Variants in SMIM20 observed in about 807,000 individuals in gnomAD.
SMIM20 encodes the protein mitochondrial translation regulation assembly intermediate of cytochrome c oxidase protein of 7 kDa.
A neutral mutation model predicts 8.7 loss-of-function variants in SMIM20; 3 were observed. The observed-to-expected ratio is 0.34, with a 90% CI of 0.16 to 0.89. The LOEUF (loss-of-function observed/expected upper bound fraction) is 0.89. Ranked by LOEUF, SMIM20 falls within the 40% of genes least tolerant of loss-of-function variation. The pLI is 0.49. For synonymous variants in SMIM20, 44 were observed against 33.6 expected (o/e 1.31, Z -1.07); for missense variants, 85 against 84.8 (o/e 1.00, Z -0.01).
chr4:25,918,921 G>T (rs185119812), intron 1 of SMIM20, among the ~76,000 whole-genome samples: 1 of 112,708 alleles, frequency 8.9e-6, no homozygotes, highest in Non-Finnish European at 1.7e-5. Flanking sequence ...TTTTTGAGAC[G>T]GAGTCTCGCT....
At chr4:25,922,914 C>T (rs1018465986) in intron 1 of SMIM20, among the ~76,000 whole-genome samples, 5 of 152,230 alleles carry the variant, frequency 3.3e-5, no homozygotes, top group African/African-American at 1.2e-4. Flanking sequence ...TTAGGTAAAA[C>T]AAAGCCAAGG....
Position 25,914,434 on chromosome 4 carries a change from C to A in SMIM20, c.109+12C>A. Reference sequence around the variant, plus strand: ...ATTGGAGGAGTACAGTGAGTGATCTCTAACCCCTTGCGGTGACCTGACTCC... The same window carrying A: ...ATTGGAGGAGTACAGTGAGTGATCTATAACCCCTTGCGGTGACCTGACTCC... On this transcript the variant is annotated intron_variant, in intron 1 of 2. Coordinates refer to ENST00000506197, the MANE Select transcript of SMIM20 (RefSeq NM_001145432.3). 1 of 1,468,686 alleles carries A rather than the reference C, an allele frequency of 6.8e-7. No individual in the cohort carries two copies. Among genetic ancestry groups the A allele is most frequent in the Admixed American group, 2.5e-5 (1 of 40,698 alleles). The allele number at this position is 1,468,686 out of a possible 1,614,324, so 91.0% of individuals were successfully genotyped here. A position where few individuals can be genotyped will look rare whatever the true frequency, so the allele number is the denominator to read the frequency against.
chr4:25,916,543 C>T (rs958820709), intron 1 of SMIM20, among the ~76,000 whole-genome samples: 3 of 151,598 alleles, frequency 2.0e-5, no homozygotes, highest in African/African-American at 7.3e-5. Flanking sequence ...TTGGCCAACT[C>T]TTTTCTGGGG....
chr4:25,914,367 C>T lies in SMIM20; in HGVS notation c.54C>T (p.Ile18=). ...ALIFGGFISL[I]GAAFYPIYFR... ...TTTTCGGCGGCTTCATCTCCCTGAT[C>T]GGCGCCGCCTTCTATCCCATCTACT... Residue 18 remains isoleucine (I), a synonymous_variant, in exon 1 of 3, where the codon ATC becomes ATT. Coordinates refer to ENST00000506197, the MANE Select transcript of SMIM20 (RefSeq NM_001145432.3). 1 of 1,549,002 alleles carries T rather than the reference C, an allele frequency of 6.5e-7. No individual in the cohort carries two copies.
intron 2 of SMIM20, 65 bp downstream of exon 2, chr4:25,928,434 T>C: frequency 2.0e-6 from 3 of 1,489,850 alleles, no homozygotes; most frequent in South Asian, 1.3e-5. Context: ...CGGGTTTGTG[T>C]GTGTTTGCCT....
intron 1 of SMIM20, among the ~76,000 whole-genome samples, chr4:25,921,420 A>G (rs904088761): frequency 6.6e-6 from 1 of 152,222 alleles, no homozygotes; most frequent in Non-Finnish European, 1.5e-5. Context: ...CTGATTAGCC[A>G]CGGGGCAAAG....
chr4:25,925,049 C>T (rs1270620912), intron 1 of SMIM20, among the ~76,000 whole-genome samples: 1 of 151,972 alleles, frequency 6.6e-6, no homozygotes, highest in Non-Finnish European at 1.5e-5. Flanking sequence ...GGATCCCATC[C>T]CCAAGATATC....
At chr4:25,922,121 A>G (rs541168380) in intron 1 of SMIM20, among the ~76,000 whole-genome samples, 1 of 152,304 alleles carries the variant, frequency 6.6e-6, no homozygotes, top group African/African-American at 2.4e-5. Context: ...TATTAAGTTG[A>G]CTATTTATAG....
At chr4:25,928,391 A>C in intron 2 of SMIM20, 22 bp downstream of exon 2, 1 of 1,547,474 alleles carries the variant, frequency 6.5e-7, no homozygotes, top group Non-Finnish European at 8.7e-7. Flanking sequence ...AAAAAAAATC[A>C]AAACCAAATC....
At chr4:25,929,024 C>T in intron 2 of SMIM20, 130 bp from the exon 3 acceptor site, 1 of 1,123,862 alleles carries the variant, frequency 8.9e-7, no homozygotes, top group Non-Finnish European at 1.3e-6. Flanking sequence ...CGGCAGCCTG[C>T]TCACACCATC....
intron 1 of SMIM20, among the ~76,000 whole-genome samples, chr4:25,915,790 G>A (rs1719075946): frequency 6.9e-6 from 1 of 144,280 alleles, no homozygotes; most frequent in Non-Finnish European, 1.5e-5. Context: ...TCATCTAGGG[G>A]TGATTTTGCC....
In SMIM20 at chr4:25,928,367, C is replaced by G; in HGVS notation, c.164C>G (p.Pro55Arg). ...ATTGTTCAAGAGGATGTGCAGCCAC[C>G]AGGTAAACTGAAAAAAAAAAATCAA... ...AGIVQEDVQP[P>R]GLKVWSDPFG... The change falls in exon 2 of 3, where the codon CCA (proline) becomes CGA (arginine). Residue 55 changes from proline (P) to arginine (R), a missense_variant and splice_region_variant. Physicochemically the swap from Pro to Arg is moderately radical, Grantham distance 103. Transcript: ENST00000506197. 1 of 1,547,948 alleles carries G rather than the reference C, an allele frequency of 6.5e-7. No individual in the cohort carries two copies. The highest frequency in any genetic ancestry group is 8.7e-7 in the Non-Finnish European group (1 of 1,145,640).
In SMIM20 at chr4:25,929,281, G is replaced by A; in HGVS notation, c.*90G>A. The A allele has an allele frequency of 1.5e-6, 2 of 1,372,496 alleles. No homozygotes were observed. Among genetic ancestry groups the A allele is most frequent in the Non-Finnish European group, 2.0e-6 (2 of 991,432 alleles). The allele number at this position is 1,372,496 out of a possible 1,614,324, so 85.0% of individuals were successfully genotyped here. A position where few individuals can be genotyped will look rare whatever the true frequency, so the allele number is the denominator to read the frequency against. On this transcript the variant is annotated 3_prime_UTR_variant, in exon 3 of 3. Transcript: ENST00000506197. The stretch of plus-strand genomic sequence containing the variant: ...ACAGCCAGTCACCTCACCAGAGAAT[G>A]ACGGCTGGAGAAGAAAACTCTGTAA...
intron 2 of SMIM20, 25 bp from the exon 3 acceptor site, chr4:25,929,129 T>C: frequency 6.4e-7 from 1 of 1,551,452 alleles, no homozygotes; most frequent in South Asian, 1.2e-5. Flanking sequence ...ATGAATCCTG[T>C]TTTTGTTCCT....
intron 1 of SMIM20, among the ~76,000 whole-genome samples, chr4:25,917,959 T>TC (rs1719123286): frequency 6.6e-6 from 1 of 150,882 alleles, no homozygotes; most frequent in South Asian, 2.1e-4. Flanking sequence ...TTTTTTTTTT[T>TC]TGAGACAGAG....
At chr4:25,918,850 C>A (rs116238989) in intron 1 of SMIM20, among the ~76,000 whole-genome samples, 117 of 142,916 alleles carry the variant, frequency 8.2e-4, no homozygotes, top group Non-Finnish European at 1.7e-3. Flanking sequence ...TTATCTGTTT[C>A]TCTCCTTATA....
At chr4:25,919,314 C>T (rs554137359) in intron 1 of SMIM20, among the ~76,000 whole-genome samples, 1 of 152,112 alleles carries the variant, frequency 6.6e-6, no homozygotes, top group African/African-American at 2.4e-5. Context: ...GATATATTTG[C>T]ATTTATTTTT....
At chr4:25,920,483 G>C (rs1207124235) in intron 1 of SMIM20, among the ~76,000 whole-genome samples, 2 of 152,168 alleles carry the variant, frequency 1.3e-5, no homozygotes, top group Non-Finnish European at 2.9e-5. Flanking sequence ...GTAGATGTTT[G>C]TGTTTTAAGC....
rs1711592299 is a variant in SMIM20, at chr4:25,929,511, C to T, written c.*320C>T. 3 of 252,604 alleles carry T rather than the reference C, an allele frequency of 1.2e-5. No homozygotes were observed. Among genetic ancestry groups the T allele is most frequent in the Non-Finnish European group, 1.5e-5 (2 of 132,580 alleles). The allele number at this position is 252,604 out of a possible 1,614,324, so 15.6% of individuals were successfully genotyped here. A position where few individuals can be genotyped will look rare whatever the true frequency, so the allele number is the denominator to read the frequency against. ...ATTCTGTCGTTACCACTTACTCAAG[C>T]GAGCTGTGATATGAATACAAGCAAC... On this transcript the variant is annotated 3_prime_UTR_variant, in exon 3 of 3. Transcript: ENST00000506197.
Sources: gnomAD v4.1 joint callset for allele counts (sites outside exome capture counted in the v4.1 genomes callset) on GRCh38, gnomAD v4.1.1 for gene constraint, MANE v1.5 for transcripts, NCBI Gene and HGNC (gene_info 2026-07-23, HGNC 2026-07-21) for gene names.